POLI: variants seen among roughly 807,000 people sequenced by gnomAD.
The protein encoded by POLI is DNA polymerase iota.
A neutral mutation model predicts 51.6 loss-of-function variants in POLI; 58 were observed. The ratio of observed to expected loss-of-function variants is 1.12; its 90% CI spans 0.91 to 1.40. POLI has a LOEUF of 1.40. Among genes scored for constraint, POLI ranks in the 40% most tolerant of loss-of-function variants. The pLI is 0.00. For missense variants in POLI, 921 were observed against 871.3 expected, an observed-to-expected ratio of 1.06 and a Z score of -0.72; for synonymous variants, 322 against 299.7, an observed-to-expected ratio of 1.07 and a Z score of -0.77.
intron 8 of POLI, among the ~76,000 whole-genome samples, chr18:54,290,625 T>C (rs965751895): frequency 1.1e-4 from 16 of 152,182 alleles, no homozygotes; most frequent in African/African-American, 3.9e-4. Flanking sequence ...GTGTCACATA[T>C]ACATCATGGA....
At position 54,296,995 on chromosome 18, in the gene POLI, T is replaced by A. The variant is rs911703177; in HGVS notation, c.*2528T>A. On this transcript the variant is annotated 3_prime_UTR_variant, in exon 10 of 10. Coordinates refer to ENST00000579534, the MANE Select transcript of POLI (RefSeq NM_007195.3). ...CTGCGAGAAGACAGAGGGCCTAAAT[T>A]GTGTATGTTTTCCTTCAGTATGATT... The A allele has an allele frequency of 1.7e-5, 17 of 985,348 alleles. No individual in the cohort carries two copies. Among genetic ancestry groups the A allele is most frequent in the Non-Finnish European group, 2.0e-5 (17 of 829,878 alleles). 61.0% of individuals were successfully genotyped at this position (985,348 alleles called of 1,614,324 possible). A position where few individuals can be genotyped will look rare whatever the true frequency, so the allele number is the denominator to read the frequency against.
Position 54,283,943 on chromosome 18 carries a change from T to C in POLI, c.997T>C (p.Phe333Leu), listed in dbSNP as rs769300610. 7.2e-7 allele frequency: 1 copy of C among 1,397,630 alleles called. No individual in the cohort carries two copies. Among genetic ancestry groups the C allele is most frequent in the Admixed American group, 1.8e-5 (1 of 55,092 alleles). The allele number at this position is 1,397,630 out of a possible 1,614,324, so 86.6% of individuals were successfully genotyped here. ...PPQSFSEEDS[F>L]KKCSSEVEAK... ...ATAGTCCTTTAGTGAAGAAGATTCA[T>C]TTAAAAAATGTTCATCTGAAGTTGA... is the stretch of plus-strand genomic sequence containing the variant. The change falls in exon 7 of 10, where the codon TTT becomes CTT. Residue 333 changes from phenylalanine (F) to leucine (L), a missense_variant. Phe to Leu is a conservative substitution (Grantham distance 22). Transcript: ENST00000579534.
intron 3 of POLI, among the ~76,000 whole-genome samples, chr18:54,277,290 T>C (rs971762956): frequency 6.6e-6 from 1 of 152,250 alleles, no homozygotes; most frequent in Non-Finnish European, 1.5e-5. Context: ...TCTTTTAAAC[T>C]CTTGGAGAAA....
chr18:54,310,952 C>A, intron 3 of POLI: 1 of 167,906 alleles, frequency 6.0e-6, no homozygotes, highest in Non-Finnish European at 1.2e-5. Context: ...GAGATGGGAT[C>A]TCGTTATGTT....
chr18:54,311,905 G>T (rs1281858535), intron 3 of POLI, among the ~76,000 whole-genome samples: 1 of 152,042 alleles, frequency 6.6e-6, no homozygotes, highest in East Asian at 1.9e-4. Context: ...TAAAAATAGG[G>T]CATCACATTT....
intron 3 of POLI, among the ~76,000 whole-genome samples, chr18:54,317,816 G>C (rs1261057524): frequency 1.3e-5 from 2 of 152,170 alleles, no homozygotes; most frequent in Non-Finnish European, 2.9e-5. Context: ...AGTGAGCTAT[G>C]ATCATACCAC....
downstream of POLI, among the ~76,000 whole-genome samples, chr18:54,298,800 G>C (rs1278406282): frequency 6.6e-6 from 1 of 151,674 alleles, no homozygotes; most frequent in African/African-American, 2.4e-5. Flanking sequence ...TGTTGGTCAG[G>C]CTGATCTTGA....
Position 54,280,807 on chromosome 18 carries a change from GT to G in POLI, c.703del (p.Ser235LeufsTer24). On this transcript the variant is annotated frameshift_variant, in exon 5 of 10. Transcript: ENST00000579534. LOFTEE classifies it high-confidence loss of function. Reference sequence around the variant, plus strand: ...TTCTAATAAACTGTTGGCAAAATTAGTTTCTGGTGTCTTTAAACCAAATCAA... The same window carrying G: ...TTCTAATAAACTGTTGGCAAAATTAGTTCTGGTGTCTTTAAACCAAATCAA... The part of the protein sequence containing the change: ...VASNKLLAKL[V>X]SGVFKPNQQT... 1 of 1,613,726 alleles carries G rather than the reference GT, an allele frequency of 6.2e-7. No homozygotes were observed. Among genetic ancestry groups the G allele is most frequent in the Non-Finnish European group, 8.5e-7 (1 of 1,179,718 alleles).
intron 3 of POLI, among the ~76,000 whole-genome samples, chr18:54,307,197 G>T (rs149307236): frequency 0.25 from 38,212 of 152,062 alleles, 5,016 homozygotes; most frequent in Middle Eastern, 0.3. Context: ...GTCAATTTTA[G>T]ATCTTTCCTG....
intron 2 of POLI, chr18:54,272,303 A>G (rs1385466451): frequency 6.6e-6 from 1 of 152,208 alleles, no homozygotes; most frequent in African/African-American, 2.4e-5. Flanking sequence ...AGGGGACCTA[A>G]GTTTTTTCTC....
chr18:54,302,683 C>T (rs2088512678), downstream of POLI, among the ~76,000 whole-genome samples: 1 of 152,082 alleles, frequency 6.6e-6, no homozygotes, highest in African/African-American at 2.4e-5. Context: ...TAACTATAAT[C>T]ACCCTGTTGT....
intron 3 of POLI, among the ~76,000 whole-genome samples, chr18:54,313,175 A>C (rs2088691429): frequency 6.6e-6 from 1 of 152,194 alleles, no homozygotes; most frequent in Non-Finnish European, 1.5e-5. Flanking sequence ...ATGGATAGCC[A>C]GTTATCCCAG....
chr18:54,284,150 G>A, intron 7 of POLI, 137 bp downstream of exon 7: 1 of 502,644 alleles, frequency 2.0e-6, no homozygotes, highest in Admixed American at 3.9e-5. Flanking sequence ...TTTATCATGG[G>A]ATTTCTCTGC....
Position 54,293,784 on chromosome 18 carries a change from G to C in POLI, c.1540G>C (p.Asp514His), listed in dbSNP as rs754935014. 12 of 1,605,794 alleles carry C rather than the reference G, an allele frequency of 7.5e-6. No individual in the cohort carries two copies. Among genetic ancestry groups the C allele is most frequent in the Middle Eastern group, 1.7e-4 (1 of 6,054 alleles). The change falls in exon 10 of 10, where the codon GAC (aspartate) becomes CAC (histidine). Residue 514 changes from aspartate to histidine, a missense_variant. Transcript: ENST00000579534. ...LDTTNFSKEK[D>H]INEFPLCSLP... ...TACCACAAATTTTTCTAAAGAAAAA[G>C]ACATTAATGAATTCCCACTCTGTTC...
intron 7 of POLI, 83 bp downstream of exon 7, chr18:54,284,096 T>G (rs2087641356): frequency 1.8e-6 from 1 of 541,844 alleles, no homozygotes; most frequent in Admixed American, 3.7e-5. Flanking sequence ...ATGTTCCATC[T>G]TGGAACTGAC....
intron 3 of POLI, among the ~76,000 whole-genome samples, chr18:54,309,247 G>GT (rs1364367018): frequency 1.3e-5 from 2 of 152,152 alleles, no homozygotes; most frequent in Non-Finnish European, 2.9e-5. Context: ...TTTGATAATC[G>GT]TGACCTACAG....
At chr18:54,307,030 CA>C (rs1307592934) in intron 3 of POLI, among the ~76,000 whole-genome samples, 1 of 152,120 alleles carries the variant, frequency 6.6e-6, no homozygotes, top group South Asian at 2.1e-4. Context: ...TTGATCTTCT[CA>C]AAAAACCAGC....
At chr18:54,277,652 T>C (rs1053571802) in intron 3 of POLI, 51 bp from the exon 4 acceptor site, 8 of 1,186,514 alleles carry the variant, frequency 6.7e-6, no homozygotes, top group Non-Finnish European at 9.5e-6. Context: ...GTTAAATTTA[T>C]CCTAGTTATA....
Position 54,294,661 on chromosome 18 carries a change from ATAC to A in POLI, c.*197_*199del. 1 of 1,241,644 alleles carries A rather than the reference ATAC, an allele frequency of 8.1e-7. No homozygotes were observed. Among genetic ancestry groups the A allele is most frequent in the South Asian group, 3.2e-5 (1 of 30,932 alleles). The allele number at this position is 1,241,644 out of a possible 1,614,324, so 76.9% of individuals were successfully genotyped here. A position where few individuals can be genotyped will look rare whatever the true frequency, so the allele number is the denominator to read the frequency against. On this transcript the variant is annotated 3_prime_UTR_variant, in exon 10 of 10. Coordinates refer to ENST00000579534, the MANE Select transcript of POLI (RefSeq NM_007195.3). ...AATATAACAGAAGAAATAATGTAAA[ATAC>A]TATCTTTTATGTCTAAAGCCATTTT...
Sources: allele counts gnomAD v4.1 joint callset (sites outside exome capture counted in the v4.1 genomes callset), GRCh38; gene constraint gnomAD v4.1.1; transcripts MANE v1.5; gene names NCBI Gene and HGNC (gene_info 2026-07-23, HGNC 2026-07-21).